TMEM108: variants seen among roughly 807,000 people sequenced by gnomAD.
TMEM108 encodes cancer/testis antigen 124.
TMEM108 carries 12 observed loss-of-function variants against 35.1 expected under a neutral mutation model. The ratio of observed to expected loss-of-function variants is 0.34; its 90% CI spans 0.22 to 0.55. The LOEUF is 0.55. Ranked by LOEUF, TMEM108 falls within the 20% of genes least tolerant of loss-of-function variation. TMEM108 has a pLI of 0.89. For missense variants in TMEM108, 680 were observed against 753.3 expected (o/e 0.90, Z 1.14); for synonymous variants, 287 against 308.6 (o/e 0.93, Z 0.73).
At chr3:133,042,161 T>G (rs1315015843) in intron 1 of TMEM108, among the ~76,000 whole-genome samples, 1 of 152,188 alleles carries the variant, frequency 6.6e-6, no homozygotes, top group Non-Finnish European at 1.5e-5. Context: ...TACTGTTCTT[T>G]GAGATGGGAA....
chr3:133,287,685 A>G (rs1947004769), intron 3 of TMEM108, among the ~76,000 whole-genome samples: 1 of 152,230 alleles, frequency 6.6e-6, no homozygotes, highest in Non-Finnish European at 1.5e-5. Context: ...ATCACCTAAA[A>G]CAAATAGATG....
intron 2 of TMEM108, among the ~76,000 whole-genome samples, chr3:133,099,312 C>A (rs1019778125): frequency 1.3e-5 from 2 of 152,130 alleles, no homozygotes; most frequent in Non-Finnish European, 2.9e-5. Context: ...AGCATGGGGA[C>A]CCTGGGCCTG....
intron 3 of TMEM108, among the ~76,000 whole-genome samples, chr3:133,341,542 TA>T (rs1415093640): frequency 6.6e-6 from 1 of 151,800 alleles, no homozygotes; most frequent in African/African-American, 2.4e-5. Flanking sequence ...GAAATAGTCC[TA>T]AAACATATGT....
chr3:133,165,838 G>C (rs1258922131), intron 2 of TMEM108, among the ~76,000 whole-genome samples: 1 of 152,220 alleles, frequency 6.6e-6, no homozygotes, highest in Non-Finnish European at 1.5e-5. Context: ...TAGACAAAAT[G>C]CATGTAACAT....
At chr3:133,039,574 C>G (rs916104733) in intron 1 of TMEM108, among the ~76,000 whole-genome samples, 1 of 152,196 alleles carries the variant, frequency 6.6e-6, no homozygotes, top group African/African-American at 2.4e-5. Context: ...TGCCTCTCCT[C>G]CATTTCCCCA....
intron 3 of TMEM108, among the ~76,000 whole-genome samples, chr3:133,232,161 C>T (rs1352780483): frequency 6.6e-6 from 1 of 152,052 alleles, no homozygotes; most frequent in Non-Finnish European, 1.5e-5. Flanking sequence ...ATATCTGATC[C>T]CTCCAAGTCT....
At chr3:133,205,150 A>G (rs1206304855) in intron 2 of TMEM108, among the ~76,000 whole-genome samples, 1 of 136,348 alleles carries the variant, frequency 7.3e-6, no homozygotes, top group Non-Finnish European at 1.6e-5. Context: ...TTTTCTTTCC[A>G]TTTGCTTGGT....
intron 2 of TMEM108, among the ~76,000 whole-genome samples, chr3:133,073,161 G>A (rs1559823717): frequency 6.6e-6 from 1 of 151,950 alleles, no homozygotes; most frequent in Non-Finnish European, 1.5e-5. Context: ...CATCAATTTT[G>A]AAGTATACAG....
At chr3:133,211,433 T>G (rs1945832445) in intron 2 of TMEM108, among the ~76,000 whole-genome samples, 1 of 152,228 alleles carries the variant, frequency 6.6e-6, no homozygotes, top group Admixed American at 6.5e-5. Context: ...ATAATCTTTT[T>G]CATAAGCAGT....
At chr3:133,264,801 A>ACCCTTC (rs1393099239) in intron 3 of TMEM108, among the ~76,000 whole-genome samples, 3 of 152,214 alleles carry the variant, frequency 2.0e-5, no homozygotes, top group African/African-American at 7.2e-5. Flanking sequence ...AGGCTTACTG[A>ACCCTTC]AGGGACCAAA....
chr3:133,092,913 T>C (rs1340651926), intron 2 of TMEM108, among the ~76,000 whole-genome samples: 1 of 151,412 alleles, frequency 6.6e-6, no homozygotes, highest in Non-Finnish European at 1.5e-5. Flanking sequence ...CACTTAGTCA[T>C]AGCTGAAAAA....
chr3:133,079,836 C>G (rs1168811548), intron 2 of TMEM108, among the ~76,000 whole-genome samples: 1 of 152,156 alleles, frequency 6.6e-6, no homozygotes, highest in Non-Finnish European at 1.5e-5. Context: ...GACCGTCTTG[C>G]TTACCTGCTG....
intron 3 of TMEM108, among the ~76,000 whole-genome samples, chr3:133,339,667 T>G (rs1232474725): frequency 2.6e-5 from 4 of 151,820 alleles, no homozygotes; most frequent in Admixed American, 2.0e-4. Flanking sequence ...TTCCTCAACA[T>G]ATGGATCATT....
intron 3 of TMEM108, among the ~76,000 whole-genome samples, chr3:133,299,053 A>G (rs1349533308): frequency 6.6e-6 from 1 of 152,106 alleles, no homozygotes; most frequent in Non-Finnish European, 1.5e-5. Flanking sequence ...ACACTTTTTC[A>G]TGAGTTTGTT....
chr3:133,140,585 G>T (rs1342858291), intron 2 of TMEM108, among the ~76,000 whole-genome samples: 1 of 152,174 alleles, frequency 6.6e-6, no homozygotes, highest in Non-Finnish European at 1.5e-5. Context: ...TTGAGAAAAA[G>T]TCTAGGCAGG....
At chr3:133,286,867 C>T (rs2107692200) in intron 3 of TMEM108, among the ~76,000 whole-genome samples, 1 of 152,324 alleles carries the variant, frequency 6.6e-6, no homozygotes, top group East Asian at 1.9e-4. Flanking sequence ...CTTCTCTTAT[C>T]AGGAAAGCAG....
chr3:133,087,194 T>C (rs1306416940), intron 2 of TMEM108, among the ~76,000 whole-genome samples: 1 of 152,174 alleles, frequency 6.6e-6, no homozygotes, highest in Non-Finnish European at 1.5e-5. Context: ...CTCTGCTGTG[T>C]GTGTCCTTGA....
rs1943450824 is a variant in TMEM108, at chr3:133,055,082, A to G, written c.-47+9062A>G. 3.3e-5 allele frequency among the ~76,000 whole-genome samples: 5 copies of G among 152,210 alleles called. No homozygotes were observed. The South Asian group carries it at 1.0e-3, about 32-fold the overall frequency. ...ACAGCAGAGATAAAACATTTGCTCC[A>G]GTTTCTCTTCAGACTCTGTGAAGAT... is the stretch of plus-strand genomic sequence containing the variant. On this transcript the variant is annotated intron_variant, in intron 2 of 5. Coordinates refer to ENST00000321871, the MANE Select transcript of TMEM108 (RefSeq NM_023943.4).
intron 2 of TMEM108, among the ~76,000 whole-genome samples, chr3:133,188,726 G>C (rs1436303084): frequency 6.6e-6 from 1 of 152,080 alleles, no homozygotes; most frequent in Non-Finnish European, 1.5e-5. Flanking sequence ...AGTAATGCTA[G>C]TTGCTTTAAT....
Sources: gnomAD v4.1 joint callset for allele counts (sites outside exome capture counted in the v4.1 genomes callset) on GRCh38, gnomAD v4.1.1 for gene constraint, MANE v1.5 for transcripts, NCBI Gene and HGNC (gene_info 2026-07-23, HGNC 2026-07-21) for gene names.